The following PHF8 variants were observed in gnomAD, a reference collection of about 807,000 sequenced individuals.
PHF8 encodes histone lysine demethylase PHF8.
In PHF8, 9 loss-of-function variants were observed where a neutral mutation model predicts 74.4. The observed-to-expected ratio is 0.12, with a 90% CI of 0.07 to 0.21. The LOEUF (loss-of-function observed/expected upper bound fraction) is 0.21. Among genes scored for constraint, PHF8 ranks in the 10% least tolerant of loss-of-function variants. PHF8 has a pLI of 1.00. For missense variants in PHF8, 478 were observed against 816.6 expected (o/e 0.59, Z 5.05); for synonymous variants, 311 against 316.6 (o/e 0.98, Z 0.19).
At chrX:54,027,404 A>G (rs1458281878) in intron 2 of PHF8, among the ~76,000 whole-genome samples, 2 of 111,256 alleles carry the variant, frequency 1.8e-5, no homozygotes, top group African/African-American at 3.3e-5. Context: ...GTACAGAAGT[A>G]TATACAGTAA....
chrX:53,987,526 A>G (rs1429185789), intron 15 of PHF8, among the ~76,000 whole-genome samples: 1 of 111,915 alleles, frequency 8.9e-6, no homozygotes, highest in Non-Finnish European at 1.9e-5. Context: ...CCTGATGAAC[A>G]TAGTGAAATC....
rs1448702697 is a variant in PHF8 at position 54,027,333 on chromosome X, G to A, written c.99-4490C>T. On this transcript the variant is annotated intron_variant, in intron 2 of 21. Transcript: ENST00000338154. ...TTAAAAATGAAGTAAATAAACCTAC[G>A]AAGCTTGATAATGACTCCTCTTTTG... is the stretch of plus-strand genomic sequence containing the variant. Among the ~76,000 whole-genome samples, 8 of 110,297 alleles carry A rather than the reference G, an allele frequency of 7.3e-5. No homozygotes were observed. In the Admixed American group the frequency reaches 7.8e-4, roughly 11 times the overall value.
intron 18 of PHF8, among the ~76,000 whole-genome samples, chrX:53,977,720 C>T (rs7891419): frequency 2.8e-5 from 3 of 106,648 alleles, no homozygotes; most frequent in African/African-American, 1.0e-4. Context: ...GATCTCGGCT[C>T]ACTGCAAGCT....
chrX:53,948,881 C>T (rs1557086034), intron 19 of PHF8, among the ~76,000 whole-genome samples: 2 of 105,888 alleles, frequency 1.9e-5, no homozygotes, highest in African/African-American at 3.5e-5. Flanking sequence ...AAAAATTAGC[C>T]GGGCATGGAG....
At chrX:54,048,138 G>A (rs183851557), upstream of PHF8, among the ~76,000 whole-genome samples, 72 of 108,296 alleles carry the variant, frequency 6.6e-4, no homozygotes, top group Middle Eastern at 4.7e-3. Context: ...GCGGTGAGCC[G>A]AGATTGTGCC....
intron 7 of PHF8, 27 bp downstream of exon 7, chrX:54,014,350 G>A (rs1324344531): frequency 1.8e-6 from 2 of 1,118,671 alleles, no homozygotes; most frequent in East Asian, 3.0e-5. Context: ...AGGCCTGGCT[G>A]CCTCCAGAAG....
chrX:53,999,781 G>A (rs1875607682), intron 11 of PHF8, 89 bp downstream of exon 11: 1 of 560,901 alleles, frequency 1.8e-6, no homozygotes, highest in Non-Finnish European at 3.1e-6. Flanking sequence ...AGCTTCTCTG[G>A]TCTCTTCTGT....
upstream of PHF8, chrX:54,044,799 T>C: frequency 3.4e-6 from 3 of 872,052 alleles, no homozygotes; most frequent in South Asian, 7.1e-5. Flanking sequence ...GGAGGTGAAC[T>C]CGGTGACTCC....
chrX:53,952,052 G>T (rs188410464), intron 19 of PHF8, among the ~76,000 whole-genome samples: 1 of 110,285 alleles, frequency 9.1e-6, no homozygotes, highest in Non-Finnish European at 1.9e-5. Flanking sequence ...TTGGGAGGCC[G>T]AAGCGGGCAG....
At chrX:53,973,183 G>T (rs782289626) in intron 18 of PHF8, among the ~76,000 whole-genome samples, 2 of 111,955 alleles carry the variant, frequency 1.8e-5, no homozygotes, top group East Asian at 5.6e-4. Flanking sequence ...CCATGCTCCT[G>T]GACAGAAAGA....
intron 12 of PHF8, chrX:53,995,259 C>A: frequency 2.9e-6 from 1 of 341,706 alleles, no homozygotes. Flanking sequence ...ATAACAACAA[C>A]TACAACTACC....
chrX:54,035,356 CA>C (rs375223185), intron 2 of PHF8, among the ~76,000 whole-genome samples: 39 of 88,620 alleles, frequency 4.4e-4, no homozygotes, highest in African/African-American at 6.6e-4. Flanking sequence ...GACTCTGTCT[CA>C]AAAAAAAAAA....
intron 19 of PHF8, among the ~76,000 whole-genome samples, chrX:53,951,536 T>C (rs2064923472): frequency 9.0e-6 from 1 of 110,606 alleles, no homozygotes; most frequent in South Asian, 3.9e-4. Flanking sequence ...TTGCAAGCTC[T>C]GCCGCCAGGG....
At chrX:54,000,500 T>A (rs1410796825) in intron 10 of PHF8, among the ~76,000 whole-genome samples, 1 of 112,550 alleles carries the variant, frequency 8.9e-6, no homozygotes, top group African/African-American at 3.2e-5. Flanking sequence ...AACCAAGCTG[T>A]TTAGAATAAG....
chrX:53,989,004 C>T lies in PHF8; in HGVS notation c.1731-1060G>A, dbSNP rs1185184544. ...TGAGATGGAGTCTTGCTCTGTCGCC[C>T]AGGCTGGAGTACAGTGGCATGATCT... On this transcript the variant is annotated intron_variant, in intron 14 of 21. Transcript: ENST00000338154. 2.8e-5 allele frequency among the ~76,000 whole-genome samples: 3 copies of T among 107,580 alleles called. No homozygotes were observed. The East Asian group carries it at 8.6e-4, about 31-fold the overall frequency. 93.4% of individuals were successfully genotyped at this position (107,580 alleles called of 115,157 possible). A position where few individuals can be genotyped will look rare whatever the true frequency, so the allele number is the denominator to read the frequency against.
chrX:54,030,567 T>C (rs2066338603), intron 2 of PHF8, among the ~76,000 whole-genome samples: 1 of 112,053 alleles, frequency 8.9e-6, no homozygotes, highest in South Asian at 3.7e-4. Context: ...AGAGAGGCAG[T>C]GTCAAAACAG....
chrX:54,042,256 G>A (rs1557116082), intron 2 of PHF8, among the ~76,000 whole-genome samples: 2 of 108,564 alleles, frequency 1.8e-5, no homozygotes, highest in African/African-American at 6.7e-5. Context: ...AGCCGAGATC[G>A]CGCCATTGCA....
chrX:53,996,148 C>T (rs2065743679), intron 11 of PHF8, among the ~76,000 whole-genome samples: 1 of 109,526 alleles, frequency 9.1e-6, no homozygotes, highest in African/African-American at 3.3e-5. Context: ...TGGAGTTTCA[C>T]TATTGTTGCC....
rs1043528283 is a variant in PHF8 at position 53,973,149 on chromosome X, G to A, written c.2444-10210C>T. Among the ~76,000 whole-genome samples the A allele has an allele frequency of 2.7e-5, 3 of 111,885 alleles. No homozygotes were observed. The South Asian group carries it at 1.1e-3, about 41-fold the overall frequency. ...ACCACTGCTCAAGGAAATGAGAGAGGACACCAACAAGTGGAAAAATATTCC... is the reference window on the plus strand; with the variant it reads ...ACCACTGCTCAAGGAAATGAGAGAGAACACCAACAAGTGGAAAAATATTCC... On this transcript the variant is annotated intron_variant, in intron 18 of 21. Coordinates refer to ENST00000338154, the MANE Select transcript of PHF8 (RefSeq NM_015107.3).
Sources: gnomAD v4.1 joint callset for allele counts (sites outside exome capture counted in the v4.1 genomes callset) on GRCh38, gnomAD v4.1.1 for gene constraint, MANE v1.5 for transcripts, NCBI Gene and HGNC (gene_info 2026-07-23, HGNC 2026-07-21) for gene names.